ZFPM2: variants seen among roughly 807,000 people sequenced by gnomAD.
ZFPM2 encodes the protein zinc finger protein ZFPM2.
ZFPM2 carries 20 observed loss-of-function variants against 98.6 expected under a neutral mutation model. The ratio of observed to expected loss-of-function variants is 0.20; its 90% CI spans 0.14 to 0.29. The LOEUF is 0.29. ZFPM2 is among the 10% of genes least tolerant of loss of function. The probability of loss-of-function intolerance (pLI) is 1.00; values close to 1 mark genes in which losing one functional copy is unlikely to be tolerated. For missense variants in ZFPM2, 1,310 were observed against 1,388.6 expected (o/e 0.94, Z 0.90); for synonymous variants, 518 against 502.7 (o/e 1.03, Z -0.41).
intron 4 of ZFPM2, among the ~76,000 whole-genome samples, chr8:105,633,761 T>C (rs987110666): frequency 6.6e-6 from 1 of 152,194 alleles, no homozygotes; most frequent in African/African-American, 2.4e-5. Context: ...TAGATTTCAT[T>C]ATTCATTCAG....
intron 5 of ZFPM2, among the ~76,000 whole-genome samples, chr8:105,667,177 A>C (rs888647250): frequency 1.5e-4 from 23 of 152,250 alleles, no homozygotes; most frequent in African/African-American, 4.3e-4. Context: ...ACTTAAAGCC[A>C]ATGATAAAGT....
chr8:105,692,638 T>C (rs1810914433), intron 5 of ZFPM2, among the ~76,000 whole-genome samples: 1 of 152,238 alleles, frequency 6.6e-6, no homozygotes, highest in African/African-American at 2.4e-5. Flanking sequence ...AGGGTTGGAA[T>C]TGGCATTTGC....
intron 3 of ZFPM2, among the ~76,000 whole-genome samples, chr8:105,447,819 T>A (rs1812405679): frequency 6.6e-6 from 1 of 152,096 alleles, no homozygotes; most frequent in African/African-American, 2.4e-5. Flanking sequence ...CTGAATTAAA[T>A]AATGAATCAA....
intron 3 of ZFPM2, among the ~76,000 whole-genome samples, chr8:105,478,437 C>T (rs1313269869): frequency 6.6e-6 from 1 of 152,170 alleles, no homozygotes; most frequent in Non-Finnish European, 1.5e-5. Context: ...GTCTTCTACT[C>T]TCTCCAAGAC....
chr8:105,543,871 G>C (rs1814634048), intron 3 of ZFPM2, among the ~76,000 whole-genome samples: 1 of 152,048 alleles, frequency 6.6e-6, no homozygotes, highest in South Asian at 2.1e-4. Flanking sequence ...GGGTATAGTT[G>C]GCCAGACCTT....
At position 105,390,975 on chromosome 8, in the gene ZFPM2, C is replaced by G. The variant is rs17283965; in HGVS notation, c.41-28169C>G. 5.4e-3 allele frequency among the ~76,000 whole-genome samples: 816 copies of G among 152,124 alleles called. 7 individuals are homozygous for G. Among genetic ancestry groups the G allele is most frequent in the Non-Finnish European group, 4.7e-3 (319 of 68,008 alleles). ...AGGGTAAAGGTATAAAAATGCATATCTAGGGTTTAGAAGAATCTTCAGAAT... is the reference window on the plus strand; with the variant it reads ...AGGGTAAAGGTATAAAAATGCATATGTAGGGTTTAGAAGAATCTTCAGAAT... On this transcript the variant is annotated intron_variant, in intron 1 of 7. Coordinates refer to ENST00000407775, the MANE Select transcript of ZFPM2 (RefSeq NM_012082.4).
intron 5 of ZFPM2, among the ~76,000 whole-genome samples, chr8:105,636,339 A>G (rs902450869): frequency 2.0e-5 from 3 of 152,172 alleles, no homozygotes; most frequent in Non-Finnish European, 4.4e-5. Flanking sequence ...GAAGCTTATT[A>G]ATTCATTAAT....
At chr8:105,759,867 A>G (rs1397299470) in intron 5 of ZFPM2, among the ~76,000 whole-genome samples, 1 of 151,976 alleles carries the variant, frequency 6.6e-6, no homozygotes, top group Non-Finnish European at 1.5e-5. Flanking sequence ...ATATCCCTAC[A>G]TTTAACAAAT....
At chr8:105,766,773 G>A (rs947619498) in intron 5 of ZFPM2, among the ~76,000 whole-genome samples, 1 of 151,760 alleles carries the variant, frequency 6.6e-6, no homozygotes, top group African/African-American at 2.4e-5. Flanking sequence ...ATCAGAAGAT[G>A]ATTGCTAGAC....
intron 7 of ZFPM2, among the ~76,000 whole-genome samples, chr8:105,800,173 G>T (rs1813958555): frequency 6.6e-6 from 1 of 152,122 alleles, no homozygotes; most frequent in Non-Finnish European, 1.5e-5. Context: ...ATGACTACAG[G>T]ACTAGGTACC....
chr8:105,587,863 C>T (rs535905588), intron 4 of ZFPM2, among the ~76,000 whole-genome samples: 1 of 152,188 alleles, frequency 6.6e-6, no homozygotes, highest in East Asian at 1.9e-4. Flanking sequence ...GTAGCATCCC[C>T]CTGGTTCTGA....
Position 105,628,148 on chromosome 8 carries a change from G to A in ZFPM2, c.421-6098G>A, listed in dbSNP as rs1021496093. Among the ~76,000 whole-genome samples the A allele has an allele frequency of 1.7e-4, 26 of 152,136 alleles. 1 individual carries two copies. The highest frequency in any genetic ancestry group is 5.8e-4 in the African/African-American group (24 of 41,444). ...TAAAAATTAGCCCCACCGTGCTGAT[G>A]TCCATTCTGAAGTTCAGAACACTTA... On this transcript the variant is annotated intron_variant, in intron 4 of 7. Transcript: ENST00000407775.
chr8:105,445,716 C>T (rs1224347050), intron 3 of ZFPM2, among the ~76,000 whole-genome samples: 3 of 150,822 alleles, frequency 2.0e-5, no homozygotes, highest in African/African-American at 7.3e-5. Flanking sequence ...GTGATCCTCC[C>T]ACCTCAGCCC....
intron 3 of ZFPM2, among the ~76,000 whole-genome samples, chr8:105,519,801 T>A (rs1814011934): frequency 6.6e-6 from 1 of 152,074 alleles, no homozygotes; most frequent in Non-Finnish European, 1.5e-5. Context: ...GCCTGGATTT[T>A]TTTTTTTTAA....
At chr8:105,462,205 T>G (rs1389053449) in intron 3 of ZFPM2, among the ~76,000 whole-genome samples, 1 of 152,156 alleles carries the variant, frequency 6.6e-6, no homozygotes, top group African/African-American at 2.4e-5. Flanking sequence ...CATAGTAATC[T>G]TAGTAACCTC....
intron 3 of ZFPM2, among the ~76,000 whole-genome samples, chr8:105,466,709 A>G (rs1328828763): frequency 6.6e-6 from 1 of 151,820 alleles, no homozygotes; most frequent in Non-Finnish European, 1.5e-5. Flanking sequence ...ATATGATTCT[A>G]CCCCATGTAG....
intron 5 of ZFPM2, among the ~76,000 whole-genome samples, chr8:105,651,330 T>C (rs1265052123): frequency 1.3e-5 from 2 of 152,064 alleles, no homozygotes; most frequent in African/African-American, 4.8e-5. Context: ...TAGCCGGGTG[T>C]GGTGGCGGGC....
At chr8:105,704,087 C>T (rs1160876846) in intron 5 of ZFPM2, among the ~76,000 whole-genome samples, 1 of 140,222 alleles carries the variant, frequency 7.1e-6, no homozygotes, top group African/African-American at 2.7e-5. Flanking sequence ...GGACCTTCAC[C>T]CTGACCACAG....
chr8:105,664,831 C>T lies in ZFPM2; in HGVS notation c.532+30474C>T, dbSNP rs544948123. ...TTGGAAGAGTATAAAGGCTGAAGTA[C>T]TGTGGTTTTATTATAGAAACCATTT... On this transcript the variant is annotated intron_variant, in intron 5 of 7. Coordinates refer to ENST00000407775, the MANE Select transcript of ZFPM2 (RefSeq NM_012082.4). Among the ~76,000 whole-genome samples, 211 of 152,084 alleles carry T rather than the reference C, an allele frequency of 1.4e-3. 2 individuals carry two copies. The highest frequency in any genetic ancestry group is 6.6e-4 in the Non-Finnish European group (45 of 67,996).
Sources: allele counts gnomAD v4.1 joint callset (sites outside exome capture counted in the v4.1 genomes callset), GRCh38; gene constraint gnomAD v4.1.1; transcripts MANE v1.5; gene names NCBI Gene and HGNC (gene_info 2026-07-23, HGNC 2026-07-21).